COL24A1: variants seen among roughly 807,000 people sequenced by gnomAD.
COL24A1 encodes collagen type XXIV alpha 1 chain, also known as collagen alpha-1(XXIV) chain.
A neutral mutation model predicts 253.9 loss-of-function variants in COL24A1; 224 were observed. The ratio of observed to expected loss-of-function variants is 0.88; its 90% CI spans 0.79 to 0.99. COL24A1 has a LOEUF of 0.99. Ranked by LOEUF, COL24A1 falls within the 50% of genes least tolerant of loss-of-function variation. The pLI, the probability that COL24A1 is intolerant of heterozygous loss-of-function variation, is 0.00. For synonymous variants in COL24A1, 685 were observed against 673.7 expected (o/e 1.02, Z -0.26); for missense variants, 2,131 against 2,068.5 (o/e 1.03, Z -0.59).
chr1:86,109,618 A>G (rs114691334), intron 5 of COL24A1, among the ~76,000 whole-genome samples: 3,732 of 152,254 alleles, frequency 0.025, 90 homozygotes, highest in Non-Finnish European at 0.032. Context: ...ACCCCAATCT[A>G]TATGATTTCA....
At chr1:85,783,670 GT>G in intron 50 of COL24A1, 112 bp from the exon 51 acceptor site, 1 of 935,260 alleles carries the variant, frequency 1.1e-6, no homozygotes, top group Admixed American at 2.0e-5. Context: ...ATATAATACT[GT>G]TGTGCATGCT....
intron 12 of COL24A1, among the ~76,000 whole-genome samples, chr1:86,041,700 T>A (rs1031563286): frequency 3.9e-5 from 6 of 152,120 alleles, no homozygotes; most frequent in African/African-American, 1.4e-4. Flanking sequence ...TGAATCAGTG[T>A]ACTTAGGCTT....
chr1:86,060,186 CT>C (rs200066496), intron 8 of COL24A1, among the ~76,000 whole-genome samples: 1 of 151,918 alleles, frequency 6.6e-6, no homozygotes, highest in African/African-American at 2.4e-5. Flanking sequence ...AATATTATAA[CT>C]TTTTTTTTAA....
chr1:85,985,327 G>C (rs538098810), intron 20 of COL24A1, among the ~76,000 whole-genome samples: 25 of 151,828 alleles, frequency 1.6e-4, no homozygotes, highest in Middle Eastern at 3.4e-3. Flanking sequence ...GGCATGGTTT[G>C]GCACTCTAAA....
At chr1:85,900,401 A>G (rs1684160527) in intron 28 of COL24A1, among the ~76,000 whole-genome samples, 1 of 152,106 alleles carries the variant, frequency 6.6e-6, no homozygotes, top group Non-Finnish European at 1.5e-5. Flanking sequence ...CATTTTGGGA[A>G]GCTGAGGAGG....
chr1:85,738,301 GTAAAA>G (rs1037736147), intron 57 of COL24A1, among the ~76,000 whole-genome samples: 2 of 151,984 alleles, frequency 1.3e-5, no homozygotes, highest in African/African-American at 4.8e-5. Context: ...ATACTGATAA[GTAAAA>G]TAAAAATATG....
intron 32 of COL24A1, among the ~76,000 whole-genome samples, chr1:85,886,275 C>T (rs1275530643): frequency 6.6e-6 from 1 of 151,928 alleles, no homozygotes; most frequent in Non-Finnish European, 1.5e-5. Flanking sequence ...TCTTGAACTC[C>T]TGACCTCAAG....
intron 2 of COL24A1, among the ~76,000 whole-genome samples, chr1:86,127,827 T>C (rs1008261070): frequency 2.0e-5 from 3 of 152,192 alleles, no homozygotes; most frequent in South Asian, 2.1e-4. Flanking sequence ...CTCACAACTG[T>C]GTACAACAAT....
In COL24A1 at chr1:86,071,394, C is replaced by T. The variant is rs182603264; in HGVS notation, c.1708-7635G>A. The stretch of plus-strand genomic sequence containing the variant: ...ATAACAAAATGGCAGGAATAAGTCT[C>T]TATTTATCAATAATAACATTGAATG... On this transcript the variant is annotated intron_variant, in intron 7 of 59. Coordinates refer to ENST00000370571, the MANE Select transcript of COL24A1 (RefSeq NM_152890.7). Among the ~76,000 whole-genome samples the T allele has an allele frequency of 2.9e-3, 438 of 152,198 alleles. 3 individuals are homozygous for T. The highest frequency in any genetic ancestry group is 2.1e-3 in the Non-Finnish European group (142 of 68,004).
intron 53 of COL24A1, among the ~76,000 whole-genome samples, chr1:85,769,397 T>TAGTC (rs1356413741): frequency 6.6e-6 from 1 of 151,826 alleles, no homozygotes; most frequent in African/African-American, 2.4e-5. Context: ...TCACACAGGC[T>TAGTC]AGTCAGGATA....
chr1:86,065,161 G>A (rs1701378053), intron 7 of COL24A1, among the ~76,000 whole-genome samples: 1 of 152,074 alleles, frequency 6.6e-6, no homozygotes. Context: ...GAGGCTCATA[G>A]GTTACAGAGA....
intron 32 of COL24A1, among the ~76,000 whole-genome samples, chr1:85,879,246 G>GT (rs1681543408): frequency 6.8e-6 from 1 of 147,114 alleles, no homozygotes; most frequent in Non-Finnish European, 1.5e-5. Flanking sequence ...TCATTTTGAG[G>GT]GTGTGTGTGT....
At chr1:86,076,806 C>T (rs1158580330) in intron 7 of COL24A1, among the ~76,000 whole-genome samples, 1 of 152,168 alleles carries the variant, frequency 6.6e-6, no homozygotes, top group Non-Finnish European at 1.5e-5. Context: ...AAATCTGAAA[C>T]CAGACCCCTT....
At chr1:86,057,899 T>C (rs202049051) in intron 10 of COL24A1, 32 bp downstream of exon 10, 34 of 1,600,526 alleles carry the variant, frequency 2.1e-5, no homozygotes, top group Non-Finnish European at 2.6e-5. Flanking sequence ...TAGGCAAGCA[T>C]GCTTAACAGA....
intron 22 of COL24A1, among the ~76,000 whole-genome samples, chr1:85,968,094 C>T (rs1404342186): frequency 6.6e-6 from 1 of 152,178 alleles, no homozygotes; most frequent in Non-Finnish European, 1.5e-5. Context: ...TGCCTTAGAT[C>T]ATTGGACTCC....
At chr1:85,906,187 T>C (rs1353569516) in intron 28 of COL24A1, among the ~76,000 whole-genome samples, 1 of 150,288 alleles carries the variant, frequency 6.7e-6, no homozygotes, top group Non-Finnish European at 1.5e-5. Flanking sequence ...ACACAGGATA[T>C]GACTTTGAAG....
intron 5 of COL24A1, among the ~76,000 whole-genome samples, chr1:86,102,237 C>T (rs893364140): frequency 6.6e-6 from 1 of 151,946 alleles, no homozygotes; most frequent in South Asian, 2.1e-4. Context: ...GGTAATATCC[C>T]CTTTGTTGTT....
chr1:85,782,335 G>A (rs899821358), intron 51 of COL24A1, among the ~76,000 whole-genome samples: 4 of 152,268 alleles, frequency 2.6e-5, no homozygotes, highest in South Asian at 2.1e-4. Context: ...CAATCCACCC[G>A]CCTTGGCCTC....
chr1:86,031,976 G>A, intron 13 of COL24A1, 54 bp from the exon 14 acceptor site: 1 of 1,411,398 alleles, frequency 7.1e-7, no homozygotes, highest in Non-Finnish European at 9.8e-7. Flanking sequence ...AACTACTAAG[G>A]GTATTTCTGA....
Sources: allele counts gnomAD v4.1 joint callset (sites outside exome capture counted in the v4.1 genomes callset), GRCh38; gene constraint gnomAD v4.1.1; transcripts MANE v1.5; gene names NCBI Gene and HGNC (gene_info 2026-07-23, HGNC 2026-07-21).